MAD1L1: variants seen among roughly 807,000 people sequenced by gnomAD.
The protein encoded by MAD1L1 is mitotic arrest deficient 1 like 1.
MAD1L1 carries 95 observed loss-of-function variants against 96.9 expected under a neutral mutation model. That is an observed-to-expected ratio of 0.98 (90% CI 0.83 to 1.16). The LOEUF is 1.16. MAD1L1 is among the 50% of genes most tolerant of loss of function. The pLI, the probability that MAD1L1 is intolerant of heterozygous loss-of-function variation, is 0.00. For missense variants in MAD1L1, 1,007 were observed against 954.4 expected, an observed-to-expected ratio of 1.06 and a Z score of -0.73; for synonymous variants, 473 against 396.6, an observed-to-expected ratio of 1.19 and a Z score of -2.29.
chr7:2,212,972 T>C (rs1793059527), intron 10 of MAD1L1, among the ~76,000 whole-genome samples: 1 of 152,234 alleles, frequency 6.6e-6, no homozygotes, highest in South Asian at 2.1e-4. Flanking sequence ...TGGTTTGCTG[T>C]GGATATTCCG....
Position 1,876,920 on chromosome 7 carries a change from C to T in MAD1L1, c.1998+21280G>A, listed in dbSNP as rs1473792407. On this transcript the variant is annotated intron_variant, in intron 18 of 18. Transcript: ENST00000265854. The stretch of plus-strand genomic sequence containing the variant: ...GGTGCGGTTCCATCTCCAGGCCCCC[C>T]GCCCTGGTCCTCCTCCCACTACTGC... Among the ~76,000 whole-genome samples the T allele has an allele frequency of 1.6e-5, 2 of 124,932 alleles. 1 individual carries two copies. The highest frequency in any genetic ancestry group is 3.6e-5 in the Non-Finnish European group (2 of 55,540). 82.0% of individuals were successfully genotyped at this position (124,932 alleles called of 152,430 possible).
At chr7:2,156,499 C>A (rs1261580677) in intron 10 of MAD1L1, among the ~76,000 whole-genome samples, 1 of 149,682 alleles carries the variant, frequency 6.7e-6, no homozygotes, top group African/African-American at 2.4e-5. Flanking sequence ...ACAACTACTT[C>A]CGGAACTACC....
intron 11 of MAD1L1, among the ~76,000 whole-genome samples, chr7:2,108,118 T>C (rs1787190858): frequency 6.6e-6 from 1 of 152,178 alleles, no homozygotes; most frequent in Non-Finnish European, 1.5e-5. Flanking sequence ...AAGATTTTCA[T>C]TATGTACGAT....
chr7:1,833,709 G>A (rs1368493954), intron 18 of MAD1L1, among the ~76,000 whole-genome samples: 1 of 152,236 alleles, frequency 6.6e-6, no homozygotes, highest in African/African-American at 2.4e-5. Flanking sequence ...GGGAGGCCGA[G>A]GCAGGTGGAT....
chr7:2,107,228 GT>G, intron 11 of MAD1L1, among the ~76,000 whole-genome samples: 1 of 152,334 alleles, frequency 6.6e-6, no homozygotes, highest in South Asian at 2.1e-4. Context: ...GACAGTCAGA[GT>G]TGGTGAGGTC....
At chr7:2,071,553 C>CA (rs1785128117) in intron 11 of MAD1L1, among the ~76,000 whole-genome samples, 1 of 152,220 alleles carries the variant, frequency 6.6e-6, no homozygotes, top group African/African-American at 2.4e-5. Flanking sequence ...AGCCCCTGGG[C>CA]AGCTGCAGGA....
At chr7:1,961,835 C>T (rs1304221512) in intron 15 of MAD1L1, among the ~76,000 whole-genome samples, 1 of 152,074 alleles carries the variant, frequency 6.6e-6, no homozygotes, top group Non-Finnish European at 1.5e-5. Flanking sequence ...TATAATGAAT[C>T]ACAGGGCGGT....
At chr7:1,906,472 C>A (rs1787638050) in intron 17 of MAD1L1, among the ~76,000 whole-genome samples, 1 of 152,238 alleles carries the variant, frequency 6.6e-6, no homozygotes, top group South Asian at 2.1e-4. Context: ...CCTGAGCCAC[C>A]CTCCCTTTCC....
At chr7:1,914,173 C>T (rs1351861934) in intron 17 of MAD1L1, among the ~76,000 whole-genome samples, 1 of 152,230 alleles carries the variant, frequency 6.6e-6, no homozygotes, top group African/African-American at 2.4e-5. Flanking sequence ...CCAGTGCTGG[C>T]CTGGAGGCCT....
chr7:2,195,796 T>C (rs554542092), intron 10 of MAD1L1, among the ~76,000 whole-genome samples: 2 of 152,372 alleles, frequency 1.3e-5, no homozygotes, highest in African/African-American at 4.8e-5. Flanking sequence ...AGGAGGTGCT[T>C]GGCTCCCAGC....
At chr7:2,192,447 G>A (rs1435259796) in intron 10 of MAD1L1, among the ~76,000 whole-genome samples, 1 of 152,128 alleles carries the variant, frequency 6.6e-6, no homozygotes, top group Non-Finnish European at 1.5e-5. Flanking sequence ...TGCGTTTTAA[G>A]CTGACAGGGA....
intron 18 of MAD1L1, among the ~76,000 whole-genome samples, chr7:1,831,689 C>T (rs556650266): frequency 6.6e-6 from 1 of 152,282 alleles, no homozygotes; most frequent in South Asian, 2.1e-4. Context: ...GATAAGAAAG[C>T]AGAACAGGCT....
intron 11 of MAD1L1, among the ~76,000 whole-genome samples, chr7:2,075,678 C>T (rs529520255): frequency 1.1e-3 from 161 of 152,306 alleles, no homozygotes; most frequent in African/African-American, 3.6e-3. Flanking sequence ...CAGCCACTGC[C>T]GGCCACTTTA....
intron 17 of MAD1L1, among the ~76,000 whole-genome samples, chr7:1,934,637 G>GAGACAGGC (rs988758702): frequency 2.0e-5 from 3 of 149,704 alleles, no homozygotes; most frequent in Non-Finnish European, 4.5e-5. Context: ...GGGCGAACCC[G>GAGACAGGC]AGACAGGCAG....
chr7:2,030,074 T>C (rs1311088013), intron 12 of MAD1L1, among the ~76,000 whole-genome samples: 1 of 151,980 alleles, frequency 6.6e-6, no homozygotes, highest in African/African-American at 2.4e-5. Context: ...GGAAATCGAG[T>C]CTTTGGCCCA....
chr7:2,229,889 T>C, intron 3 of MAD1L1, 95 bp downstream of exon 3: 1 of 1,359,130 alleles, frequency 7.4e-7, no homozygotes, highest in Non-Finnish European at 1.0e-6. Flanking sequence ...GCTCTGCTAA[T>C]ACCGACCCAC....
intron 12 of MAD1L1, among the ~76,000 whole-genome samples, chr7:2,039,596 T>C (rs1187352463): frequency 1.3e-5 from 2 of 152,226 alleles, no homozygotes; most frequent in African/African-American, 4.8e-5. Flanking sequence ...ATTTCCCTCA[T>C]GACTAATGAT....
chr7:1,833,630 T>A (rs1782810702), intron 18 of MAD1L1, among the ~76,000 whole-genome samples: 1 of 152,232 alleles, frequency 6.6e-6, no homozygotes, highest in Non-Finnish European at 1.5e-5. Context: ...ACATTCTGGA[T>A]GGACCTTAAA....
chr7:2,188,304 C>T (rs1791556821), intron 10 of MAD1L1, among the ~76,000 whole-genome samples: 1 of 152,206 alleles, frequency 6.6e-6, no homozygotes, highest in African/African-American at 2.4e-5. Context: ...CTATCAAGAC[C>T]TAACTAAATA....
Sources: gnomAD v4.1 joint callset for allele counts (sites outside exome capture counted in the v4.1 genomes callset) on GRCh38, gnomAD v4.1.1 for gene constraint, MANE v1.5 for transcripts, NCBI Gene and HGNC (gene_info 2026-07-23, HGNC 2026-07-21) for gene names.